ADORA1: variants seen among roughly 807,000 people sequenced by gnomAD.
The protein encoded by ADORA1 is adenosine receptor A1.
In ADORA1, 6 loss-of-function variants were observed where a neutral mutation model predicts 19.9. The ratio of observed to expected loss-of-function variants is 0.30; its 90% confidence interval spans 0.17 to 0.59. The LOEUF (loss-of-function observed/expected upper bound fraction) is 0.59. ADORA1 is among the 20% of genes least tolerant of loss of function. The pLI, the probability that ADORA1 is intolerant of heterozygous loss-of-function variation, is 0.87. For missense variants in ADORA1, 302 were observed against 439.2 expected (o/e 0.69, Z 2.79); for synonymous variants, 194 against 188.4 (o/e 1.03, Z -0.24).
chr1:203,131,338 C>G (rs1261408621), intron 3 of ADORA1, among the ~76,000 whole-genome samples: 1 of 152,238 alleles, frequency 6.6e-6, no homozygotes, highest in African/African-American at 2.4e-5. Flanking sequence ...ATACATGTTT[C>G]TACTCCTCTG....
intron 3 of ADORA1, among the ~76,000 whole-genome samples, chr1:203,161,433 CT>C (rs1558138357): frequency 1.3e-5 from 2 of 152,274 alleles, no homozygotes; most frequent in South Asian, 2.1e-4. Context: ...AGGGGGGCCC[CT>C]GTCTCAATAA....
At chr1:203,137,138 G>T (rs1233497812) in intron 3 of ADORA1, among the ~76,000 whole-genome samples, 1 of 152,182 alleles carries the variant, frequency 6.6e-6, no homozygotes, top group Non-Finnish European at 1.5e-5. Context: ...TTTAAATAGG[G>T]TGGTCCGTGA....
At chr1:203,161,870 C>T (rs143996515) in intron 3 of ADORA1, among the ~76,000 whole-genome samples, 1,958 of 151,826 alleles carry the variant, frequency 0.013, 42 homozygotes, top group African/African-American at 0.045. Context: ...CCACCGCGCC[C>T]GGCCCCCTCA....
At chr1:203,157,980 C>T (rs1181945194) in intron 3 of ADORA1, among the ~76,000 whole-genome samples, 1 of 152,222 alleles carries the variant, frequency 6.6e-6, no homozygotes, top group Non-Finnish European at 1.5e-5. Flanking sequence ...CTCCCATCAT[C>T]CTGATGAATA....
At chr1:203,136,522 G>A (rs1376027632) in intron 3 of ADORA1, among the ~76,000 whole-genome samples, 1 of 152,202 alleles carries the variant, frequency 6.6e-6, no homozygotes, top group Non-Finnish European at 1.5e-5. Flanking sequence ...CAGGCCTGGG[G>A]ATACACAGAT....
chr1:203,145,697 T>A (rs1407547683), intron 3 of ADORA1, among the ~76,000 whole-genome samples: 1 of 152,248 alleles, frequency 6.6e-6, no homozygotes, highest in Non-Finnish European at 1.5e-5. Flanking sequence ...TAGTATTATA[T>A]GCCTCACAGG....
In ADORA1 at chr1:203,165,033, A is replaced by G; in HGVS notation, c.342-228A>G. The stretch of plus-strand genomic sequence containing the variant: ...TTTTCTATTATTATTTTTGTCATTA[A>G]TCAGGATTTCCTCTCTCTGTAGGAG... On this transcript the variant is annotated intron_variant, in intron 3 of 3. Coordinates refer to ENST00000337894, the MANE Select transcript of ADORA1 (RefSeq NM_000674.3). This position sits in a 1 kb window ranked among gnomAD's most constrained non-coding sequence, Gnocchi z 5.9. The G allele has an allele frequency of 6.5e-7, 1 of 1,548,344 alleles. No homozygotes were observed. The highest frequency in any genetic ancestry group is 8.7e-7 in the Non-Finnish European group (1 of 1,145,994).
chr1:203,140,398 G>C (rs932600568), intron 3 of ADORA1, among the ~76,000 whole-genome samples: 1 of 152,206 alleles, frequency 6.6e-6, no homozygotes, highest in African/African-American at 2.4e-5. Context: ...CCGGGCTTAC[G>C]GCTTAAGCCA....
chr1:203,165,052 G>A lies in ADORA1; in HGVS notation c.342-209G>A, dbSNP rs1435978776. ...TCATTAATCAGGATTTCCTCTCTCT[G>A]TAGGAGAATAAGCCAATGCATGGCA... On this transcript the variant is annotated intron_variant, in intron 3 of 3. Transcript: ENST00000337894. The surrounding 1 kb of genome is among the most constrained non-coding windows in gnomAD (Gnocchi z 5.9). 3.9e-6 allele frequency: 6 copies of A among 1,550,490 alleles called. No homozygotes were observed. In the African/African-American group the frequency reaches 5.5e-5, roughly 14 times the overall value.
chr1:203,159,330 T>C (rs1411627977), intron 3 of ADORA1, among the ~76,000 whole-genome samples: 1 of 152,240 alleles, frequency 6.6e-6, no homozygotes, highest in African/African-American at 2.4e-5. Flanking sequence ...CCCCTCGTAC[T>C]TAGGATAAAC....
At chr1:203,131,654 A>G (rs1654335896) in intron 3 of ADORA1, among the ~76,000 whole-genome samples, 1 of 152,114 alleles carries the variant, frequency 6.6e-6, no homozygotes, top group South Asian at 2.1e-4. Context: ...GTCCTGCCCC[A>G]TGGAGAGGAG....
intron 3 of ADORA1, among the ~76,000 whole-genome samples, chr1:203,157,639 G>T (rs185221497): frequency 6.3e-4 from 96 of 152,358 alleles, no homozygotes; most frequent in African/African-American, 2.3e-3. Flanking sequence ...GGGCTTCCAG[G>T]CTGTCCATGA....
rs1655527510 is a variant in ADORA1 at position 203,165,705 on chromosome 1, C to T, written c.786C>T (p.Ser262=). 3.7e-6 allele frequency: 6 copies of T among 1,611,588 alleles called. No individual in the cohort carries two copies. The highest frequency in any genetic ancestry group is 5.1e-6 in the Non-Finnish European group (6 of 1,178,418). The change falls in exon 4 of 4, where the codon TCC becomes TCT. Residue 262 remains serine, a synonymous_variant. Coordinates refer to ENST00000337894, the MANE Select transcript of ADORA1 (RefSeq NM_000674.3). The surrounding 1 kb of genome is among the most constrained non-coding windows in gnomAD (Gnocchi z 5.9). ...ACTGCATCACCCTCTTCTGCCCGTC[C>T]TGCCACAAGCCCAGCATCCTTACCT... ...ILNCITLFCP[S]CHKPSILTYI... is the part of the protein sequence containing the mutation.
At chr1:203,146,105 A>G (rs1335022048) in intron 3 of ADORA1, among the ~76,000 whole-genome samples, 2 of 150,400 alleles carry the variant, frequency 1.3e-5, no homozygotes, top group African/African-American at 4.9e-5. Flanking sequence ...CAAGGAAGGA[A>G]GACTTGCAGT....
At position 203,165,570 on chromosome 1, in the gene ADORA1, C is replaced by T. The variant is rs779515290; in HGVS notation, c.651C>T (p.Ala217=). The T allele has an allele frequency of 6.2e-7, 1 of 1,613,986 alleles. No homozygotes were observed. Among genetic ancestry groups the T allele is most frequent in the South Asian group, 1.1e-5 (1 of 91,068 alleles). ...AGCAGCTCAACAAGAAGGTGTCGGC[C>T]TCCTCCGGCGACCCGCAGAAGTACT... is the stretch of plus-strand genomic sequence containing the variant. The part of the protein sequence containing the change: ...IRKQLNKKVS[A]SSGDPQKYYG... Residue 217 remains alanine, a synonymous_variant, in exon 4 of 4, where the codon GCC becomes GCT. Transcript: ENST00000337894. The surrounding 1 kb of genome is among the most constrained non-coding windows in gnomAD (Gnocchi z 5.9).
In ADORA1 at chr1:203,165,342, C is replaced by A; in HGVS notation, c.423C>A (p.Thr141=). The A allele has an allele frequency of 6.3e-7, 1 of 1,581,964 alleles. No individual in the cohort carries two copies. Among genetic ancestry groups the A allele is most frequent in the Non-Finnish European group, 8.6e-7 (1 of 1,163,226 alleles). ...TCCTCTCCTTCGTGGTGGGACTGAC[C>A]CCTATGTTTGGCTGGAACAATCTGA... ...CWILSFVVGL[T]PMFGWNNLSA... is the part of the protein sequence containing the mutation. Residue 141 remains threonine (T), a synonymous_variant, in exon 4 of 4, where the codon ACC becomes ACA. Coordinates refer to ENST00000337894, the MANE Select transcript of ADORA1 (RefSeq NM_000674.3). The surrounding 1 kb of genome is among the most constrained non-coding windows in gnomAD (Gnocchi z 5.9).
chr1:203,146,026 G>A (rs933989620), intron 3 of ADORA1, among the ~76,000 whole-genome samples: 12 of 152,132 alleles, frequency 7.9e-5, no homozygotes, highest in Admixed American at 2.0e-4. Context: ...CTGAAATGTC[G>A]GATGGGCACC....
chr1:203,159,153 G>T (rs1184533403), intron 3 of ADORA1, among the ~76,000 whole-genome samples: 1 of 152,076 alleles, frequency 6.6e-6, no homozygotes, highest in Non-Finnish European at 1.5e-5. Context: ...TTCCCATGCC[G>T]CCAGCTACAG....
chr1:203,163,958 T>C (rs576964366), intron 3 of ADORA1, among the ~76,000 whole-genome samples: 1 of 152,280 alleles, frequency 6.6e-6, no homozygotes, highest in African/African-American at 2.4e-5. Context: ...AGAAGCCGCA[T>C]TGGAAAATAA....
Sources: allele counts gnomAD v4.1 joint callset (sites outside exome capture counted in the v4.1 genomes callset), GRCh38; gene constraint gnomAD v4.1.1; non-coding constraint Gnocchi (gnomAD v3.1); transcripts MANE v1.5; gene names NCBI Gene and HGNC (gene_info 2026-07-23, HGNC 2026-07-21).